The following REDIC1 variants were observed in gnomAD, a reference collection of about 807,000 sequenced individuals.
The protein encoded by REDIC1 is regulator of DNA class I crossover intermediates 1.
At chr12:39,705,023 GTAAC>G in the REDIC1 span, among the ~76,000 whole-genome samples, 3 of 151,820 alleles carry the variant, frequency 2.0e-5, no homozygotes, top group South Asian at 2.1e-4. Flanking sequence ...GTATACATAT[GTAAC>G]TAACCTGCAC....
chr12:39,754,168 C>T, the REDIC1 span: 6 of 152,098 alleles, frequency 3.9e-5, no homozygotes, highest in Non-Finnish European at 8.8e-5. Flanking sequence ...TTTTCTATGA[C>T]TTTCTAGTGT....
At chr12:39,780,131 C>T in the REDIC1 span, among the ~76,000 whole-genome samples, 3 of 152,162 alleles carry the variant, frequency 2.0e-5, no homozygotes, top group Admixed American at 6.5e-5. Flanking sequence ...TACAAAACAC[C>T]ATTCGTATAT....
At chr12:39,857,418 A>G in the REDIC1 span, among the ~76,000 whole-genome samples, 2 of 152,158 alleles carry the variant, frequency 1.3e-5, no homozygotes, top group South Asian at 2.1e-4. Context: ...CAGTTTCTAA[A>G]GCATTTATTT....
chr12:39,653,818 C>G, the REDIC1 span, among the ~76,000 whole-genome samples: 1 of 151,938 alleles, frequency 6.6e-6, no homozygotes, highest in Non-Finnish European at 1.5e-5. Flanking sequence ...TTGTAAGTGT[C>G]CTTTAACAGG....
chr12:39,628,472 C>T, the REDIC1 span, among the ~76,000 whole-genome samples: 1 of 152,136 alleles, frequency 6.6e-6, no homozygotes, highest in African/African-American at 2.4e-5. Context: ...CCAAACCATG[C>T]TGGAGTTCTT....
chr12:39,841,386 T>C, the REDIC1 span, among the ~76,000 whole-genome samples: 1 of 152,238 alleles, frequency 6.6e-6, no homozygotes, highest in East Asian at 1.9e-4. Context: ...AATGCACCAA[T>C]GAACTCTCTA....
the REDIC1 span, among the ~76,000 whole-genome samples, chr12:39,872,417 A>T: frequency 4.1e-3 from 627 of 152,336 alleles, 6 homozygotes; most frequent in African/African-American, 0.014. Flanking sequence ...ATCTGGGACA[A>T]GTGAAGGAAC....
chr12:39,697,112 C>T, the REDIC1 span, among the ~76,000 whole-genome samples: 6 of 152,124 alleles, frequency 3.9e-5, no homozygotes, highest in East Asian at 3.9e-4. Flanking sequence ...ATGCTAAAAG[C>T]GGCAAGAGAA....
chr12:39,732,881 G>C, the REDIC1 span, among the ~76,000 whole-genome samples: 1 of 152,144 alleles, frequency 6.6e-6, no homozygotes, highest in African/African-American at 2.4e-5. Flanking sequence ...ATGACAAGGT[G>C]TCTGGCATGA....
At chr12:39,897,908 G>C in the REDIC1 span, among the ~76,000 whole-genome samples, 1 of 151,848 alleles carries the variant, frequency 6.6e-6, no homozygotes, top group Admixed American at 6.6e-5. Context: ...TTTTTATGTA[G>C]ATCTATGAAA....
the REDIC1 span, among the ~76,000 whole-genome samples, chr12:39,628,231 G>T: frequency 9.9e-5 from 15 of 152,216 alleles, no homozygotes; most frequent in Non-Finnish European, 1.0e-4. Context: ...CAGATACACT[G>T]CAATTTTAAA....
At chr12:39,642,803 T>A in the REDIC1 span, among the ~76,000 whole-genome samples, 1 of 151,788 alleles carries the variant, frequency 6.6e-6, no homozygotes, top group African/African-American at 2.4e-5. Context: ...GTTATTTATT[T>A]TGTAAAACAA....
At chr12:39,863,336 T>C in the REDIC1 span, among the ~76,000 whole-genome samples, 2 of 152,174 alleles carry the variant, frequency 1.3e-5, 1 homozygote, top group Admixed American at 1.3e-4. Context: ...TATTTCATTA[T>C]GTAAATCACT....
chr12:39,808,037 T>A, the REDIC1 span, among the ~76,000 whole-genome samples: 1 of 152,166 alleles, frequency 6.6e-6, no homozygotes, highest in African/African-American at 2.4e-5. Context: ...GTCAATGAGT[T>A]TTGACAATGT....
the REDIC1 span, among the ~76,000 whole-genome samples, chr12:39,811,294 T>G: frequency 6.6e-6 from 1 of 152,094 alleles, no homozygotes; most frequent in Non-Finnish European, 1.5e-5. Flanking sequence ...CTATTGCTTT[T>G]ACATTTTCTA....
chr12:39,819,131 GT>G, the REDIC1 span, among the ~76,000 whole-genome samples: 1 of 152,114 alleles, frequency 6.6e-6, no homozygotes, highest in African/African-American at 2.4e-5. Flanking sequence ...GGTTGAAATT[GT>G]TTAGTAAATG....
chr12:39,729,356 G>A, the REDIC1 span, among the ~76,000 whole-genome samples: 6 of 152,094 alleles, frequency 3.9e-5, no homozygotes, highest in Non-Finnish European at 8.8e-5. Context: ...CTGATATATT[G>A]TGTCTTTGTT....
chr12:39,631,448 T>C, the REDIC1 span, among the ~76,000 whole-genome samples: 1 of 152,218 alleles, frequency 6.6e-6, no homozygotes, highest in African/African-American at 2.4e-5. Flanking sequence ...GAGTGCCTAC[T>C]TTTAATTGGT....
chr12:39,905,343 G>T, the REDIC1 span, among the ~76,000 whole-genome samples: 1 of 152,008 alleles, frequency 6.6e-6, no homozygotes, highest in Non-Finnish European at 1.5e-5. Context: ...CTGTAATACT[G>T]CTCATCCAAG....
Sources: gnomAD v4.1 joint callset for allele counts (sites outside exome capture counted in the v4.1 genomes callset) on GRCh38, gnomAD v4.1.1 for gene constraint, MANE v1.5 for transcripts, NCBI Gene and HGNC (gene_info 2026-07-23, HGNC 2026-07-21) for gene names.